WDR7: variants seen among roughly 807,000 people sequenced by gnomAD.
WDR7 encodes the protein WD repeat domain 7.
Under a neutral mutation model 169.4 loss-of-function variants are expected in WDR7, and 46 were observed. That is an observed-to-expected ratio of 0.27 (90% confidence interval 0.21 to 0.35). WDR7 has a LOEUF of 0.35. Among genes scored for constraint, WDR7 ranks in the 10% least tolerant of loss-of-function variants. The pLI is 1.00. For synonymous variants in WDR7, 612 were observed against 666.8 expected, an observed-to-expected ratio of 0.92 and a Z score of 1.27; for missense variants, 1,534 against 1,859.3, an observed-to-expected ratio of 0.83 and a Z score of 3.22.
chr18:56,762,598 G>GT (rs1421008510), intron 16 of WDR7, among the ~76,000 whole-genome samples: 1 of 151,836 alleles, frequency 6.6e-6, no homozygotes, highest in Non-Finnish European at 1.5e-5. Flanking sequence ...TCTGTAATAT[G>GT]TCCTTGTTTT....
At position 56,883,740 on chromosome 18, in the gene WDR7, G is replaced by A. The variant is rs549145758; in HGVS notation, c.3526+3575G>A. Among the ~76,000 whole-genome samples, 16 of 152,026 alleles carry A rather than the reference G, an allele frequency of 1.1e-4. No homozygotes were observed. The East Asian group carries it at 1.9e-3, about 18-fold the overall frequency. On this transcript the variant is annotated intron_variant, in intron 21 of 27. Coordinates refer to ENST00000254442, the MANE Select transcript of WDR7 (RefSeq NM_015285.3). ...TGAGACATCATAGCTTAGTTCCCACGTATGAGTGAGAACATACGATGTTTG... is the reference window on the plus strand; with the variant it reads ...TGAGACATCATAGCTTAGTTCCCACATATGAGTGAGAACATACGATGTTTG...
At chr18:56,653,027 G>A (rs1304535885) in intron 1 of WDR7, among the ~76,000 whole-genome samples, 2 of 152,148 alleles carry the variant, frequency 1.3e-5, no homozygotes, top group Admixed American at 6.5e-5. Context: ...CTTCAAAGTA[G>A]TGAGCTTGTT....
intron 19 of WDR7, among the ~76,000 whole-genome samples, chr18:56,805,818 C>T (rs12326366): frequency 0.12 from 18,469 of 152,084 alleles, 1,687 homozygotes; most frequent in African/African-American, 0.25. Flanking sequence ...AAATTTCTTT[C>T]TTGCTTCAAA....
At chr18:56,706,988 A>AC (rs1555679956) in intron 12 of WDR7, among the ~76,000 whole-genome samples, 1 of 144,622 alleles carries the variant, frequency 6.9e-6, no homozygotes, top group Non-Finnish European at 1.5e-5. Flanking sequence ...CCAAATTTTT[A>AC]TTTTTTTTTT....
intron 19 of WDR7, 166 bp downstream of exon 19, chr18:56,781,822 G>A: frequency 1.2e-6 from 1 of 814,692 alleles, no homozygotes; most frequent in Non-Finnish European, 1.7e-6. Context: ...AATCTCTGTA[G>A]TTTGGAACTT....
intron 26 of WDR7, among the ~76,000 whole-genome samples, chr18:56,965,850 G>A (rs2047401679): frequency 6.6e-6 from 1 of 151,882 alleles, no homozygotes; most frequent in Non-Finnish European, 1.5e-5. Flanking sequence ...AATTTGTGTG[G>A]GGTTGAACTC....
intron 19 of WDR7, among the ~76,000 whole-genome samples, chr18:56,812,618 T>A (rs1043493597): frequency 6.6e-6 from 1 of 152,118 alleles, no homozygotes. Flanking sequence ...AAGCCAAGGG[T>A]GTAATTCTCA....
chr18:56,789,080 C>T (rs888487857), intron 19 of WDR7, among the ~76,000 whole-genome samples: 2 of 152,154 alleles, frequency 1.3e-5, no homozygotes, highest in African/African-American at 2.4e-5. Flanking sequence ...AGACTGATCA[C>T]GTATTTAGCA....
intron 25 of WDR7, among the ~76,000 whole-genome samples, chr18:56,953,839 A>G (rs2047214679): frequency 6.6e-6 from 1 of 152,244 alleles, no homozygotes; most frequent in Admixed American, 6.5e-5. Flanking sequence ...GCTTATTTTT[A>G]TATATAAGAA....
At chr18:56,938,916 C>T (rs1234512030) in intron 24 of WDR7, among the ~76,000 whole-genome samples, 2 of 151,130 alleles carry the variant, frequency 1.3e-5, no homozygotes, top group Admixed American at 6.6e-5. Context: ...AAAATCAAAA[C>T]GATTTTCAAG....
intron 21 of WDR7, among the ~76,000 whole-genome samples, chr18:56,903,700 G>A (rs2046436057): frequency 6.6e-6 from 1 of 152,088 alleles, no homozygotes; most frequent in African/African-American, 2.4e-5. Flanking sequence ...GATTACAGAT[G>A]TGAGCCACCA....
At chr18:56,718,956 C>A (rs1432846138) in intron 13 of WDR7, among the ~76,000 whole-genome samples, 1 of 152,176 alleles carries the variant, frequency 6.6e-6, no homozygotes, top group African/African-American at 2.4e-5. Flanking sequence ...AACGGGAGTT[C>A]TCTTAAGCCT....
At chr18:56,654,389 C>G (rs1307588908) in intron 1 of WDR7, among the ~76,000 whole-genome samples, 2 of 152,206 alleles carry the variant, frequency 1.3e-5, no homozygotes, top group African/African-American at 2.4e-5. Flanking sequence ...CTCAGCCTCC[C>G]AAAGTGCTGG....
chr18:56,770,852 G>T (rs146483899), intron 16 of WDR7, among the ~76,000 whole-genome samples: 10 of 151,522 alleles, frequency 6.6e-5, no homozygotes, highest in African/African-American at 2.2e-4. Flanking sequence ...GCTTCTAAAC[G>T]TGTTCAGTTG....
At chr18:56,735,009 T>G (rs565011446) in intron 14 of WDR7, among the ~76,000 whole-genome samples, 2 of 152,254 alleles carry the variant, frequency 1.3e-5, no homozygotes, top group South Asian at 4.1e-4. Flanking sequence ...AGGATGTAAT[T>G]TAATGGGTGC....
At chr18:56,747,519 G>T (rs909000143) in intron 14 of WDR7, among the ~76,000 whole-genome samples, 1 of 152,124 alleles carries the variant, frequency 6.6e-6, no homozygotes, top group African/African-American at 2.4e-5. Flanking sequence ...ACACCCAGTG[G>T]GCCCTGGCAT....
intron 21 of WDR7, among the ~76,000 whole-genome samples, chr18:56,921,617 C>G (rs1004158120): frequency 6.6e-6 from 1 of 152,140 alleles, no homozygotes; most frequent in Non-Finnish European, 1.5e-5. Flanking sequence ...GCAGCAGGCA[C>G]TCTTGTGGCC....
chr18:56,942,273 G>A (rs188746178), intron 25 of WDR7, among the ~76,000 whole-genome samples: 2 of 152,180 alleles, frequency 1.3e-5, no homozygotes, highest in Admixed American at 6.5e-5. Context: ...ACAAAATGGC[G>A]AGGTGTTCTT....
intron 26 of WDR7, among the ~76,000 whole-genome samples, chr18:57,003,950 G>T (rs1456453968): frequency 6.6e-6 from 1 of 151,634 alleles, no homozygotes; most frequent in East Asian, 1.9e-4. Flanking sequence ...GAGGGTGTGT[G>T]TTATACCCTT....
Sources: allele counts gnomAD v4.1 joint callset (sites outside exome capture counted in the v4.1 genomes callset), GRCh38; gene constraint gnomAD v4.1.1; transcripts MANE v1.5; gene names NCBI Gene and HGNC (gene_info 2026-07-23, HGNC 2026-07-21).